The following ATP1B2 variants were observed in gnomAD, a reference collection of about 807,000 sequenced individuals.
The protein encoded by ATP1B2 is ATPase Na+/K+ transporting subunit beta 2.
Under a neutral mutation model 37.3 loss-of-function variants are expected in ATP1B2, and 12 were observed. That is an observed-to-expected ratio of 0.32 (90% CI 0.21 to 0.52). The LOEUF (loss-of-function observed/expected upper bound fraction) is 0.52, where lower values mean the gene tolerates loss of function less well. Ranked by LOEUF, ATP1B2 falls within the 20% of genes least tolerant of loss-of-function variation. ATP1B2 has a pLI of 0.96. For synonymous variants in ATP1B2, 139 were observed against 140.5 expected (o/e 0.99, Z 0.07); for missense variants, 324 against 391.6 (o/e 0.83, Z 1.46).
chr17:7,651,804 C>T (rs1206513950), intron 1 of ATP1B2, among the ~76,000 whole-genome samples, 174 bp downstream of exon 1: 1 of 152,096 alleles, frequency 6.6e-6, no homozygotes, highest in African/African-American at 2.4e-5. Flanking sequence ...CCCGGCTGGC[C>T]GTGCGGAGGC....
At chr17:7,648,994 C>T (rs1447518145), upstream of ATP1B2, among the ~76,000 whole-genome samples, 1 of 152,196 alleles carries the variant, frequency 6.6e-6, no homozygotes, top group Non-Finnish European at 1.5e-5. Context: ...TTCCTTTGTC[C>T]TGGAAGACTA....
rs751823333 is a variant in ATP1B2 at position 7,651,479 on chromosome 17, A to G, written c.-40A>G. The G allele has an allele frequency of 1.2e-5, 18 of 1,534,200 alleles. No individual in the cohort carries two copies. Among genetic ancestry groups the G allele is most frequent in the East Asian group, 2.5e-5 (1 of 40,780 alleles). ...CGCGCGGCGCCCCCGCTTCTCCGCA[A>G]CCCCCCGCCCCGCGCCCGGACTCGC... On this transcript the variant is annotated 5_prime_UTR_variant, in exon 1 of 7. Coordinates refer to ENST00000250111, the MANE Select transcript of ATP1B2 (RefSeq NM_001678.5).
At position 7,655,901 on chromosome 17, in the gene ATP1B2, C is replaced by T. The variant is rs1210922128; in HGVS notation, c.*6C>T. 2 of 1,613,634 alleles carry T rather than the reference C, an allele frequency of 1.2e-6. No individual in the cohort carries two copies. Among genetic ancestry groups the T allele is most frequent in the Admixed American group, 1.7e-5 (1 of 59,994 alleles). The stretch of plus-strand genomic sequence containing the variant: ...TCCGCATCAACAAAACCTGAGGCCC[C>T]TTCCTCCCACCCCATCTCTCTCCTG... On this transcript the variant is annotated 3_prime_UTR_variant, in exon 7 of 7. Coordinates refer to ENST00000250111, the MANE Select transcript of ATP1B2 (RefSeq NM_001678.5). This position sits in a 1 kb window ranked among gnomAD's most constrained non-coding sequence, Gnocchi z 4.4.
Position 7,654,962 on chromosome 17 carries a change from C to T in ATP1B2, c.609+278C>T, listed in dbSNP as rs2072640163. ...ACCAACGCCCTGGCCTCTGGCTTCT[C>T]TCCCTAACGCTTCCACCTTCTCCTT... On this transcript the variant is annotated intron_variant, in intron 5 of 6. Coordinates refer to ENST00000250111, the MANE Select transcript of ATP1B2 (RefSeq NM_001678.5). The surrounding 1 kb of genome is among the most constrained non-coding windows in gnomAD (Gnocchi z 4.9). 1 of 474,838 alleles carries T rather than the reference C, an allele frequency of 2.1e-6. No individual in the cohort carries two copies. The highest frequency in any genetic ancestry group is 3.5e-5 in the Admixed American group (1 of 28,296). 29.4% of individuals were successfully genotyped at this position (474,838 alleles called of 1,614,324 possible).
In ATP1B2 at chr17:7,654,114, C is replaced by G; in HGVS notation, c.409C>G (p.Gln137Glu). The G allele has an allele frequency of 6.2e-7, 1 of 1,614,184 alleles. No homozygotes were observed. Among genetic ancestry groups the G allele is most frequent in the Non-Finnish European group, 8.5e-7 (1 of 1,180,044 alleles). ...DVCRPGRYYE[Q>E]PDNGVLNYPK... The stretch of plus-strand genomic sequence containing the variant: ...CTGCCGCCCTGGACGCTATTACGAA[C>G]AGCCAGATAATGGAGTCCTCAACTA... The change falls in exon 4 of 7, where the codon CAG becomes GAG. Residue 137 changes from glutamine (Q) to glutamate (E), a missense_variant. Coordinates refer to ENST00000250111, the MANE Select transcript of ATP1B2 (RefSeq NM_001678.5). This position sits in a 1 kb window ranked among gnomAD's most constrained non-coding sequence, Gnocchi z 4.9.
chr17:7,656,119 CAG>C lies in ATP1B2; in HGVS notation c.*225_*226del. On this transcript the variant is annotated 3_prime_UTR_variant, in exon 7 of 7. Coordinates refer to ENST00000250111, the MANE Select transcript of ATP1B2 (RefSeq NM_001678.5). ...TTCTCCCAACCTCAGATCAGTCAGA[CAG>C]GGAGCTGGGCTAAGATGGCCACGGA... 1.6e-6 allele frequency: 1 copy of C among 612,534 alleles called. No homozygotes were observed. The highest frequency in any genetic ancestry group is 2.8e-6 in the Non-Finnish European group (1 of 355,572). 37.9% of individuals were successfully genotyped at this position (612,534 alleles called of 1,614,324 possible).
chr17:7,654,875 T>G lies in ATP1B2; in HGVS notation c.609+191T>G, dbSNP rs2072639557. ...TTGAACTCCGAGGGCCCCGCACTCC[T>G]CTTGCTTCTCTCTGGGATGCAGAGG... is the stretch of plus-strand genomic sequence containing the variant. On this transcript the variant is annotated intron_variant, in intron 5 of 6. Transcript: ENST00000250111. The surrounding 1 kb of genome is among the most constrained non-coding windows in gnomAD (Gnocchi z 4.9). 2.1e-5 allele frequency: 13 copies of G among 605,932 alleles called. No homozygotes were observed. Among genetic ancestry groups the G allele is most frequent in the Non-Finnish European group, 3.8e-5 (13 of 345,058 alleles). The allele number at this position is 605,932 out of a possible 1,614,324, so 37.5% of individuals were successfully genotyped here. A position where few individuals can be genotyped will look rare whatever the true frequency, so the allele number is the denominator to read the frequency against.
In ATP1B2 at chr17:7,655,293, C is replaced by T. The variant is rs1004864223; in HGVS notation, c.610-234C>T. ...GGGTAGGAGTGGAGTAGGAGGCTTT[C>T]GTGCCATTAGCAGCCTTCAGGAGTT... On this transcript the variant is annotated intron_variant, in intron 5 of 6. Transcript: ENST00000250111. The surrounding 1 kb of genome is among the most constrained non-coding windows in gnomAD (Gnocchi z 4.4). 6 of 578,550 alleles carry T rather than the reference C, an allele frequency of 1.0e-5. No individual in the cohort carries two copies. The highest frequency in any genetic ancestry group is 1.2e-5 in the Non-Finnish European group (4 of 325,650). The allele number at this position is 578,550 out of a possible 1,614,324, so 35.8% of individuals were successfully genotyped here.
At chr17:7,653,806 T>C (rs1345201731) in intron 2 of ATP1B2, 35 bp from the exon 3 acceptor site, 5 of 1,598,146 alleles carry the variant, frequency 3.1e-6, no homozygotes, top group East Asian at 4.5e-5. Flanking sequence ...CCTCATCTTA[T>C]AGATACCCCC....
At chr17:7,651,674 C>T (rs1279533218) in intron 1 of ATP1B2, 44 bp downstream of exon 1, 1 of 1,521,118 alleles carries the variant, frequency 6.6e-7, no homozygotes, top group Non-Finnish European at 8.9e-7. Context: ...AGCCGCGGGG[C>T]GACGCCTCGG....
chr17:7,650,907 C>T (rs2072606298), upstream of ATP1B2, among the ~76,000 whole-genome samples: 1 of 152,284 alleles, frequency 6.6e-6, no homozygotes, highest in Non-Finnish European at 1.5e-5. Context: ...AAAGACCGCG[C>T]TCGGCGACCG....
At chr17:7,648,632 C>A (rs1641515), upstream of ATP1B2, among the ~76,000 whole-genome samples, 113,298 of 148,084 alleles carry the variant, frequency 0.77, 44,913 homozygotes, top group Middle Eastern at 0.9. Context: ...GGCATTTTTT[C>A]CCCTAGGTTT....
upstream of ATP1B2, among the ~76,000 whole-genome samples, chr17:7,648,955 C>G (rs2072591673): frequency 6.6e-6 from 1 of 152,226 alleles, no homozygotes; most frequent in Non-Finnish European, 1.5e-5. Context: ...ACTGTGCTTA[C>G]TCCTGACTTC....
chr17:7,655,674 T>C lies in ATP1B2; in HGVS notation c.708+49T>C. On this transcript the variant is annotated intron_variant, in intron 6 of 6. Coordinates refer to ENST00000250111, the MANE Select transcript of ATP1B2 (RefSeq NM_001678.5). The surrounding 1 kb of genome is among the most constrained non-coding windows in gnomAD (Gnocchi z 4.4). ...CTGATGGCGGGTGCGGGTGGTGAGC[T>C]AGGGAAGGAGGCCGCGTTGCCCCAG... The C allele has an allele frequency of 1.9e-6, 3 of 1,613,884 alleles. No individual in the cohort carries two copies. The highest frequency in any genetic ancestry group is 2.5e-6 in the Non-Finnish European group (3 of 1,179,912).
intron 1 of ATP1B2, among the ~76,000 whole-genome samples, chr17:7,652,210 T>A (rs927511211): frequency 1.3e-5 from 2 of 152,058 alleles, no homozygotes; most frequent in Admixed American, 6.6e-5. Flanking sequence ...TGCTCCCATG[T>A]CGGTGACGGA....
In ATP1B2 at chr17:7,653,660, A is replaced by T. The variant is rs951110450; in HGVS notation, c.241+158A>T. On this transcript the variant is annotated intron_variant, in intron 2 of 6. Coordinates refer to ENST00000250111, the MANE Select transcript of ATP1B2 (RefSeq NM_001678.5). ...ATCTGTCCACCTTCCCATTTACTGCAGTTGGGAGCTGTGTGATTTGGGCAT... is the reference window on the plus strand; with the variant it reads ...ATCTGTCCACCTTCCCATTTACTGCTGTTGGGAGCTGTGTGATTTGGGCAT... Among the ~76,000 whole-genome samples the T allele has an allele frequency of 2.0e-5, 3 of 152,174 alleles. No individual in the cohort carries two copies. In the South Asian group the frequency reaches 6.2e-4, roughly 32 times the overall value.
chr17:7,647,430 G>A (rs376751911), upstream of ATP1B2, among the ~76,000 whole-genome samples: 14 of 152,272 alleles, frequency 9.2e-5, no homozygotes, highest in East Asian at 2.5e-3. Flanking sequence ...GGGAGGCCAA[G>A]ATGGCAGGAT....
Position 7,655,907 on chromosome 17 carries a change from C to G in ATP1B2, c.*12C>G. ...TCAACAAAACCTGAGGCCCCTTCCT[C>G]CCACCCCATCTCTCTCCTGTGGATG... On this transcript the variant is annotated 3_prime_UTR_variant, in exon 7 of 7. Transcript: ENST00000250111. This position sits in a 1 kb window ranked among gnomAD's most constrained non-coding sequence, Gnocchi z 4.4. 1 of 1,613,560 alleles carries G rather than the reference C, an allele frequency of 6.2e-7. No individual in the cohort carries two copies. The highest frequency in any genetic ancestry group is 8.5e-7 in the Non-Finnish European group (1 of 1,179,742).
At position 7,656,377 on chromosome 17, in the gene ATP1B2, T is replaced by C; in HGVS notation, c.*482T>C. Reference sequence around the variant, plus strand: ...AAGCTCTGGCCACCGTCCCTTGATCTCTCATACTTTCTCCCTGTCTACACA... The same window carrying C: ...AAGCTCTGGCCACCGTCCCTTGATCCCTCATACTTTCTCCCTGTCTACACA... On this transcript the variant is annotated 3_prime_UTR_variant, in exon 7 of 7. Transcript: ENST00000250111. 5.8e-6 allele frequency: 1 copy of C among 171,054 alleles called. No homozygotes were observed. The highest frequency in any genetic ancestry group is 1.3e-5 in the Non-Finnish European group (1 of 78,708). 10.6% of individuals were successfully genotyped at this position (171,054 alleles called of 1,614,324 possible). A position where few individuals can be genotyped will look rare whatever the true frequency, so the allele number is the denominator to read the frequency against.
Sources: gnomAD v4.1 joint callset for allele counts (sites outside exome capture counted in the v4.1 genomes callset) on GRCh38, gnomAD v4.1.1 for gene constraint, Gnocchi (gnomAD v3.1) non-coding constraint, MANE v1.5 for transcripts, NCBI Gene and HGNC (gene_info 2026-07-23, HGNC 2026-07-21) for gene names.